The following NDST4 variants were observed in gnomAD, a reference collection of about 807,000 sequenced individuals.
The protein encoded by NDST4 is N-deacetylase and N-sulfotransferase 4.
Under a neutral mutation model 100.8 loss-of-function variants are expected in NDST4, and 63 were observed. The ratio of observed to expected loss-of-function variants is 0.62; its 90% CI spans 0.51 to 0.77. The LOEUF (loss-of-function observed/expected upper bound fraction) is 0.77. NDST4 is among the 30% of genes least tolerant of loss of function. The probability of loss-of-function intolerance (pLI) is 0.00; values close to 1 mark genes in which losing one functional copy is unlikely to be tolerated. For synonymous variants in NDST4, 377 were observed against 361.8 expected (o/e 1.04, Z -0.48); for missense variants, 943 against 1,018.4 (o/e 0.93, Z 1.01).
intron 2 of NDST4, among the ~76,000 whole-genome samples, chr4:115,031,145 A>G (rs1007837524): frequency 6.6e-6 from 1 of 152,098 alleles, no homozygotes; most frequent in Non-Finnish European, 1.5e-5. Context: ...ATCTGATTTA[A>G]TACACATCTT....
chr4:115,022,449 C>CATATATATGTGTTCG (rs1727873973), intron 2 of NDST4, among the ~76,000 whole-genome samples: 1 of 14,520 alleles, frequency 6.9e-5, no homozygotes, highest in Non-Finnish European at 1.2e-4. Context: ...ATATGTGTTC[C>CATATATATGTGTTCG]ATATATATGT....
At chr4:114,979,043 C>T (rs80256772) in intron 2 of NDST4, among the ~76,000 whole-genome samples, 4,055 of 152,054 alleles carry the variant, frequency 0.027, 119 homozygotes, top group African/African-American at 0.067. Context: ...TTGGTGCCTC[C>T]AACACCCATT....
chr4:115,060,016 C>T (rs918596941), intron 2 of NDST4, among the ~76,000 whole-genome samples: 5 of 151,902 alleles, frequency 3.3e-5, no homozygotes, highest in Non-Finnish European at 4.4e-5. Context: ...AGATAGTTCC[C>T]GTTCCACTGT....
At chr4:115,060,401 T>A (rs1052551566) in intron 2 of NDST4, among the ~76,000 whole-genome samples, 1 of 151,974 alleles carries the variant, frequency 6.6e-6, no homozygotes, top group African/African-American at 2.4e-5. Context: ...GAGGTCAATG[T>A]AGTAGTCTTT....
chr4:114,955,184 T>A (rs914129705), intron 4 of NDST4, among the ~76,000 whole-genome samples: 8 of 152,168 alleles, frequency 5.3e-5, no homozygotes, highest in Admixed American at 2.6e-4. Flanking sequence ...CTGTACAGCC[T>A]TGATGGAGGC....
intron 2 of NDST4, among the ~76,000 whole-genome samples, chr4:115,075,778 T>G (rs1031060292): frequency 8.1e-4 from 31 of 38,460 alleles, no homozygotes; most frequent in African/African-American, 5.9e-3. Context: ...AGCAAGAGTC[T>G]GTTCAGAAAA....
chr4:115,077,902 G>T (rs1009572979), intron 1 of NDST4, among the ~76,000 whole-genome samples: 3 of 152,082 alleles, frequency 2.0e-5, no homozygotes. Flanking sequence ...CTCAGATCTC[G>T]CTAATGAAAC....
chr4:114,962,954 T>A (rs1726297033), intron 4 of NDST4, among the ~76,000 whole-genome samples: 1 of 152,114 alleles, frequency 6.6e-6, no homozygotes, highest in South Asian at 2.1e-4. Context: ...ACTCATGAAT[T>A]GCTGGTAGAA....
intron 1 of NDST4, among the ~76,000 whole-genome samples, chr4:115,081,245 G>A (rs1162685387): frequency 6.6e-6 from 1 of 152,138 alleles, no homozygotes. Flanking sequence ...TGTTTTCAAT[G>A]TAGGTGTTTT....
intron 4 of NDST4, among the ~76,000 whole-genome samples, chr4:114,949,526 A>G (rs1266864754): frequency 2.6e-5 from 4 of 152,084 alleles, no homozygotes; most frequent in Admixed American, 6.6e-5. Context: ...AAGATTGCCA[A>G]AAGTGAGGCC....
intron 2 of NDST4, among the ~76,000 whole-genome samples, chr4:115,019,186 T>G (rs1727753763): frequency 6.6e-6 from 1 of 152,116 alleles, no homozygotes; most frequent in African/African-American, 2.4e-5. Flanking sequence ...AAACATGTTA[T>G]GGCAAGTATA....
At chr4:115,089,938 G>T (rs981059211) in intron 1 of NDST4, among the ~76,000 whole-genome samples, 44 of 151,488 alleles carry the variant, frequency 2.9e-4, no homozygotes, top group African/African-American at 8.3e-4. Context: ...TGTCCCCACA[G>T]AATTTATCTA....
At chr4:115,019,820 G>T (rs1355164557) in intron 2 of NDST4, among the ~76,000 whole-genome samples, 1 of 152,074 alleles carries the variant, frequency 6.6e-6, no homozygotes, top group East Asian at 1.9e-4. Flanking sequence ...ATAAAGTTGG[G>T]CTAGCTTCCC....
At chr4:115,068,820 A>G (rs1373096489) in intron 2 of NDST4, among the ~76,000 whole-genome samples, 1 of 151,394 alleles carries the variant, frequency 6.6e-6, no homozygotes, top group Admixed American at 6.6e-5. Context: ...CATCTCAAAA[A>G]AAAAAAAAAA....
intron 4 of NDST4, among the ~76,000 whole-genome samples, chr4:114,949,070 T>G (rs1560826532): frequency 6.6e-6 from 1 of 152,040 alleles, no homozygotes; most frequent in Non-Finnish European, 1.5e-5. Context: ...TCACAGTCAT[T>G]TAATAATTAG....
At chr4:115,062,410 G>T (rs1728843903) in intron 2 of NDST4, among the ~76,000 whole-genome samples, 1 of 151,598 alleles carries the variant, frequency 6.6e-6, no homozygotes, top group Non-Finnish European at 1.5e-5. Context: ...TAATAAATAA[G>T]GCCAGTATAC....
intron 2 of NDST4, among the ~76,000 whole-genome samples, chr4:115,006,947 A>G (rs755559587): frequency 6.6e-6 from 1 of 152,158 alleles, no homozygotes. Flanking sequence ...AGTAATAATA[A>G]TAGATGTGAT....
chr4:115,098,465 T>C (rs779103819), intron 1 of NDST4, among the ~76,000 whole-genome samples: 6 of 151,886 alleles, frequency 4.0e-5, no homozygotes, highest in Non-Finnish European at 5.9e-5. Flanking sequence ...AAAATGAAAA[T>C]ATGGATTAAA....
At chr4:114,866,255 C>T (rs769581259) in intron 7 of NDST4, among the ~76,000 whole-genome samples, 3 of 152,224 alleles carry the variant, frequency 2.0e-5, no homozygotes, top group Non-Finnish European at 4.4e-5. Flanking sequence ...GCTTCCCTCT[C>T]TCATAGGTAG....
Sources: gnomAD v4.1 joint callset for allele counts (sites outside exome capture counted in the v4.1 genomes callset) on GRCh38, gnomAD v4.1.1 for gene constraint, MANE v1.5 for transcripts, NCBI Gene and HGNC (gene_info 2026-07-23, HGNC 2026-07-21) for gene names.